ESR1: variants seen among roughly 807,000 people sequenced by gnomAD.
ESR1 encodes the protein estrogen receptor.
In ESR1, 12 loss-of-function variants were observed where a neutral mutation model predicts 52.7. The observed-to-expected ratio is 0.23, with a 90% CI of 0.15 to 0.37. The LOEUF (loss-of-function observed/expected upper bound fraction) is 0.37, where lower values mean the gene tolerates loss of function less well. Ranked by LOEUF, ESR1 falls within the 10% of genes least tolerant of loss-of-function variation. The pLI is 1.00. For missense variants in ESR1, 584 were observed against 779.7 expected, an observed-to-expected ratio of 0.75 and a Z score of 2.99; for synonymous variants, 305 against 316.8, an observed-to-expected ratio of 0.96 and a Z score of 0.39.
chr6:151,702,017 C>G (rs1031707484), intron 2 of ESR1: 6 of 152,214 alleles, frequency 3.9e-5, no homozygotes, highest in African/African-American at 1.4e-4. Flanking sequence ...TATGTGTGAA[C>G]ATACTAGTTT....
chr6:151,968,125 C>T (rs1039840902), intron 4 of ESR1, among the ~76,000 whole-genome samples: 58 of 152,184 alleles, frequency 3.8e-4, no homozygotes, highest in African/African-American at 1.3e-3. Context: ...CACACACCTA[C>T]AACCATCTGA....
intron 6 of ESR1, chr6:152,122,295 A>T: frequency 7.5e-7 from 1 of 1,325,316 alleles, no homozygotes; most frequent in East Asian, 2.3e-5. Context: ...TAATTTGCAC[A>T]CATGTGATCT....
chr6:151,911,810 A>G (rs1023543710), intron 3 of ESR1, among the ~76,000 whole-genome samples: 2 of 152,186 alleles, frequency 1.3e-5, no homozygotes, highest in African/African-American at 4.8e-5. Flanking sequence ...CTGTTCCCAT[A>G]GCTCCCAGGT....
chr6:151,957,013 A>T lies in ESR1; in HGVS notation c.1096+12505A>T, dbSNP rs536226446. Among the ~76,000 whole-genome samples the T allele has an allele frequency of 5.4e-5, 8 of 148,478 alleles. No individual in the cohort carries two copies. The South Asian group carries it at 1.7e-3, about 32-fold the overall frequency. The stretch of plus-strand genomic sequence containing the variant: ...TGCCTCAGCCTCCCGAGTAGCTGGG[A>T]CTACAGGTGCCCGCCACCACGCCCG... On this transcript the variant is annotated intron_variant, in intron 4 of 7. Coordinates refer to ENST00000206249, the MANE Select transcript of ESR1 (RefSeq NM_000125.4).
At chr6:152,080,411 T>C (rs539134762) in intron 6 of ESR1, among the ~76,000 whole-genome samples, 44 of 152,246 alleles carry the variant, frequency 2.9e-4, no homozygotes, top group Middle Eastern at 6.8e-3. Flanking sequence ...CTAAGCTTCA[T>C]AAGTGAAGGA....
intron 6 of ESR1, among the ~76,000 whole-genome samples, chr6:152,069,216 A>C (rs188059820): frequency 0.069 from 9,413 of 136,522 alleles, 1,565 homozygotes; most frequent in South Asian, 0.15. Flanking sequence ...TTTTAAGAGA[A>C]TTCTGGCAAG....
chr6:151,862,964 C>CA (rs1789164676), intron 2 of ESR1, among the ~76,000 whole-genome samples: 1 of 151,936 alleles, frequency 6.6e-6, no homozygotes, highest in Non-Finnish European at 1.5e-5. Flanking sequence ...AAAAAAACAG[C>CA]AAATGAATAC....
intron 4 of ESR1, among the ~76,000 whole-genome samples, chr6:151,945,927 T>A (rs2035651106): frequency 6.6e-6 from 1 of 152,198 alleles, no homozygotes; most frequent in African/African-American, 2.4e-5. Context: ...GAGTGGTTAT[T>A]AGTTTACATG....
chr6:151,901,388 G>C (rs1268443731), intron 3 of ESR1, among the ~76,000 whole-genome samples: 2 of 152,194 alleles, frequency 1.3e-5, no homozygotes, highest in Non-Finnish European at 2.9e-5. Flanking sequence ...TGTAAGTAGG[G>C]CTTTCATGCC....
chr6:151,830,762 C>G (rs1408558736), intron 1 of ESR1, among the ~76,000 whole-genome samples: 2 of 150,826 alleles, frequency 1.3e-5, no homozygotes, highest in Non-Finnish European at 1.5e-5. Context: ...GAAAAATCAA[C>G]ACTTGCTTGT....
At chr6:151,954,964 G>T (rs1478646391) in intron 4 of ESR1, among the ~76,000 whole-genome samples, 1 of 151,992 alleles carries the variant, frequency 6.6e-6, no homozygotes, top group East Asian at 1.9e-4. Context: ...GGAAGTGGGA[G>T]GGTCCACTGA....
At chr6:152,033,306 T>G (rs927110218) in intron 5 of ESR1, among the ~76,000 whole-genome samples, 2 of 152,070 alleles carry the variant, frequency 1.3e-5, no homozygotes, top group South Asian at 2.1e-4. Context: ...CTAATTAAAC[T>G]AAAGAGCTTC....
intron 4 of ESR1, among the ~76,000 whole-genome samples, chr6:151,945,003 C>T (rs1447749066): frequency 6.6e-6 from 1 of 152,062 alleles, no homozygotes; most frequent in African/African-American, 2.4e-5. Flanking sequence ...ATTGCTTGAG[C>T]CCAGGAGCTT....
intron 2 of ESR1, among the ~76,000 whole-genome samples, chr6:151,850,043 A>T (rs1338275058): frequency 0.013 from 1,487 of 118,554 alleles, 66 homozygotes; most frequent in African/African-American, 0.047. Context: ...TATATATATA[A>T]TTTTATATAT....
At chr6:152,007,635 C>A (rs1465978715) in intron 4 of ESR1, among the ~76,000 whole-genome samples, 4 of 152,046 alleles carry the variant, frequency 2.6e-5, no homozygotes, top group African/African-American at 9.7e-5. Context: ...GATTTCTGAG[C>A]AACTGATTTC....
upstream of ESR1, among the ~76,000 whole-genome samples, chr6:151,802,666 G>A (rs1374566907): frequency 6.6e-6 from 1 of 152,206 alleles, no homozygotes; most frequent in Admixed American, 6.5e-5. Flanking sequence ...CAGTTGGCAT[G>A]AAGATACAAA....
At chr6:151,987,212 C>T (rs1414484794) in intron 4 of ESR1, among the ~76,000 whole-genome samples, 1 of 152,100 alleles carries the variant, frequency 6.6e-6, no homozygotes, top group Non-Finnish European at 1.5e-5. Flanking sequence ...CTACTGCACC[C>T]ACCCAGCAAT....
intron 7 of ESR1, among the ~76,000 whole-genome samples, chr6:152,096,288 A>G (rs1331492993): frequency 2.0e-5 from 3 of 152,166 alleles, no homozygotes; most frequent in East Asian, 3.9e-4. Context: ...CTTAGTGGCT[A>G]TGAGGGAAGG....
chr6:152,067,809 G>A (rs1402478792), intron 6 of ESR1, among the ~76,000 whole-genome samples: 1 of 152,126 alleles, frequency 6.6e-6, no homozygotes, highest in Non-Finnish European at 1.5e-5. Flanking sequence ...CCTGGGTGAT[G>A]AGAGCAAAAC....
Sources: allele counts gnomAD v4.1 joint callset (sites outside exome capture counted in the v4.1 genomes callset), GRCh38; gene constraint gnomAD v4.1.1; transcripts MANE v1.5; gene names NCBI Gene and HGNC (gene_info 2026-07-23, HGNC 2026-07-21).